Variants in RBM47 observed in about 807,000 individuals in gnomAD.
The protein encoded by RBM47 is RNA-binding protein 47.
A neutral mutation model predicts 47.1 loss-of-function variants in RBM47; 21 were observed. The observed-to-expected ratio is 0.45, with a 90% confidence interval of 0.32 to 0.64. The LOEUF is 0.64. Ranked by LOEUF, RBM47 falls within the 30% of genes least tolerant of loss-of-function variation. The pLI, the probability that RBM47 is intolerant of heterozygous loss-of-function variation, is 0.05. For missense variants in RBM47, 708 were observed against 870.9 expected (o/e 0.81, Z 2.35); for synonymous variants, 375 against 361.7 (o/e 1.04, Z -0.42).
intron 3 of RBM47, among the ~76,000 whole-genome samples, chr4:40,458,612 T>TA (rs1716638369): frequency 6.6e-6 from 1 of 152,178 alleles, no homozygotes; most frequent in Admixed American, 6.5e-5. Flanking sequence ...TGAGAAAATA[T>TA]AAAAAAGGAA....
intron 3 of RBM47, among the ~76,000 whole-genome samples, chr4:40,462,408 C>T (rs981708585): frequency 1.3e-5 from 2 of 149,666 alleles, no homozygotes; most frequent in Non-Finnish European, 1.5e-5. Flanking sequence ...AACAGAGTGT[C>T]CTCTCTCCTT....
chr4:40,486,989 G>T (rs950535607), intron 2 of RBM47, among the ~76,000 whole-genome samples: 2 of 152,116 alleles, frequency 1.3e-5, no homozygotes, highest in Non-Finnish European at 2.9e-5. Flanking sequence ...GTTTATTTTG[G>T]ATCCTAAAGT....
At chr4:40,551,706 T>C (rs1383469666) in intron 1 of RBM47, among the ~76,000 whole-genome samples, 1 of 149,722 alleles carries the variant, frequency 6.7e-6, no homozygotes, top group Non-Finnish European at 1.5e-5. Flanking sequence ...TGGAGTGCAG[T>C]GGTGGGATCT....
chr4:40,555,300 C>G (rs766649415), intron 1 of RBM47, among the ~76,000 whole-genome samples: 1 of 152,200 alleles, frequency 6.6e-6, no homozygotes, highest in Non-Finnish European at 1.5e-5. Context: ...CTCCTGTCCT[C>G]AAGTAATCCG....
At chr4:40,455,899 T>C (rs970247281) in intron 3 of RBM47, among the ~76,000 whole-genome samples, 2 of 152,164 alleles carry the variant, frequency 1.3e-5, no homozygotes, top group Non-Finnish European at 2.9e-5. Context: ...CAGTTTAGAG[T>C]CGTTAATTAT....
At chr4:40,448,513 C>G (rs1410870073) in intron 3 of RBM47, among the ~76,000 whole-genome samples, 1 of 152,086 alleles carries the variant, frequency 6.6e-6, no homozygotes, top group East Asian at 1.9e-4. Flanking sequence ...TTTGATGTTC[C>G]TTATTCATAC....
At chr4:40,563,170 G>A (rs758627897) in intron 1 of RBM47, among the ~76,000 whole-genome samples, 8 of 152,112 alleles carry the variant, frequency 5.3e-5, no homozygotes, top group East Asian at 3.8e-4. Flanking sequence ...CAGTCTGGGC[G>A]ACAGAGCAAG....
rs1209661907 is a variant in RBM47, at chr4:40,423,540, A to G, written c.*2364T>C. 6.6e-6 allele frequency: 1 copy of G among 152,108 alleles called. No homozygotes were observed. Among genetic ancestry groups the G allele is most frequent in the East Asian group, 1.9e-4 (1 of 5,200 alleles). 9.4% of individuals were successfully genotyped at this position (152,108 alleles called of 1,614,324 possible). On this transcript the variant is annotated 3_prime_UTR_variant, in exon 7 of 7. Transcript: ENST00000295971. ...AATGGTTTTGAAACAATAGGAACAGATAAGTCCCAGATAGGAGGCTCACTG... is the reference window on the plus strand; with the variant it reads ...AATGGTTTTGAAACAATAGGAACAGGTAAGTCCCAGATAGGAGGCTCACTG...
At chr4:40,537,709 A>C (rs1728119194) in intron 2 of RBM47, among the ~76,000 whole-genome samples, 2 of 152,220 alleles carry the variant, frequency 1.3e-5, no homozygotes, top group Non-Finnish European at 2.9e-5. Flanking sequence ...GTTTGGGTCC[A>C]GAAAGCAGAT....
intron 1 of RBM47, among the ~76,000 whole-genome samples, chr4:40,566,207 A>T (rs1731091100): frequency 6.6e-6 from 1 of 152,212 alleles, no homozygotes; most frequent in Non-Finnish European, 1.5e-5. Context: ...CTGCTTCAGG[A>T]ATAAGTAGGT....
At chr4:40,562,229 G>C (rs533631085) in intron 1 of RBM47, among the ~76,000 whole-genome samples, 2 of 152,202 alleles carry the variant, frequency 1.3e-5, no homozygotes, top group Admixed American at 1.3e-4. Context: ...GGATTAACAC[G>C]ATCAAAGAAA....
At chr4:40,597,407 C>T (rs1259976957) in intron 1 of RBM47, among the ~76,000 whole-genome samples, 1 of 152,064 alleles carries the variant, frequency 6.6e-6, no homozygotes, top group African/African-American at 2.4e-5. Flanking sequence ...ACCAGCCTGG[C>T]CAACATGGCA....
intron 2 of RBM47, among the ~76,000 whole-genome samples, chr4:40,518,393 C>G (rs1348892893): frequency 6.6e-6 from 1 of 151,994 alleles, no homozygotes; most frequent in African/African-American, 2.4e-5. Flanking sequence ...TCAGGCTGGT[C>G]TCGAACTCCT....
intron 2 of RBM47, among the ~76,000 whole-genome samples, chr4:40,474,283 T>TA (rs2154238399): frequency 6.6e-6 from 1 of 152,274 alleles, no homozygotes; most frequent in East Asian, 1.9e-4. Flanking sequence ...AGCACTGACT[T>TA]ATACAGGACA....
chr4:40,518,396 G>A (rs987786884), intron 2 of RBM47, among the ~76,000 whole-genome samples: 10 of 151,786 alleles, frequency 6.6e-5, no homozygotes, highest in East Asian at 1.9e-4. Context: ...GGCTGGTCTC[G>A]AACTCCTGAG....
chr4:40,538,350 CAG>C (rs1728179834), intron 2 of RBM47, among the ~76,000 whole-genome samples: 1 of 120,914 alleles, frequency 8.3e-6, no homozygotes, highest in East Asian at 2.5e-4. Context: ...TTTTTTGAGA[CAG>C]AGTCTTGCTC....
Position 40,437,919 on chromosome 4 carries a change from C to G in RBM47, c.975G>C (p.Ser325=). Reference sequence around the variant, plus strand: ...CGCCCCTGGCTGCCTTCTGGTAGCGCGAGTACTGCTCCTTGTCCACGGGCT... The same window carrying G: ...CGCCCCTGGCTGCCTTCTGGTAGCGGGAGTACTGCTCCTTGTCCACGGGCT... The part of the protein sequence containing the change: ...LAKPVDKEQY[S]RYQKAARGGG... Residue 325 remains serine (S), a synonymous_variant, in exon 4 of 7, where the codon TCG becomes TCC. Transcript: ENST00000295971. 1 of 1,613,860 alleles carries G rather than the reference C, an allele frequency of 6.2e-7. No homozygotes were observed.
intron 2 of RBM47, among the ~76,000 whole-genome samples, chr4:40,500,246 G>T (rs1723164151): frequency 6.6e-6 from 1 of 151,962 alleles, no homozygotes; most frequent in East Asian, 1.9e-4. Flanking sequence ...CCTGGAGGTG[G>T]AGGTTGCAGT....
chr4:40,531,714 A>G (rs1478013469), intron 2 of RBM47, among the ~76,000 whole-genome samples: 1 of 152,254 alleles, frequency 6.6e-6, no homozygotes, highest in East Asian at 1.9e-4. Context: ...CAGATATAAA[A>G]AAATTAAAAT....
Sources: gnomAD v4.1 joint callset for allele counts (sites outside exome capture counted in the v4.1 genomes callset) on GRCh38, gnomAD v4.1.1 for gene constraint, MANE v1.5 for transcripts, NCBI Gene and HGNC (gene_info 2026-07-23, HGNC 2026-07-21) for gene names.